The following ZFPL1 variants were observed in gnomAD, a reference collection of about 807,000 sequenced individuals.
ZFPL1 encodes the protein zinc finger protein-like 1.
Under a neutral mutation model 32.0 loss-of-function variants are expected in ZFPL1, and 28 were observed. That is an observed-to-expected ratio of 0.87 (90% CI 0.65 to 1.20). The LOEUF (loss-of-function observed/expected upper bound fraction) is 1.20, where lower values mean the gene tolerates loss of function less well. ZFPL1 is among the 50% of genes most tolerant of loss of function. ZFPL1 has a pLI of 0.00. For missense variants in ZFPL1, 386 were observed against 424.8 expected, an observed-to-expected ratio of 0.91 and a Z score of 0.80; for synonymous variants, 165 against 177.0, an observed-to-expected ratio of 0.93 and a Z score of 0.54.
In ZFPL1 at chr11:65,086,914, C is replaced by A; in HGVS notation, c.482-14C>A. On this transcript the variant is annotated splice_polypyrimidine_tract_variant and intron_variant, in intron 5 of 7. Coordinates refer to ENST00000294258, the MANE Select transcript of ZFPL1 (RefSeq NM_006782.4). ...ATGCACTGCTTCTGCTGACGGCTCT[C>A]TTTCCACCCACAGCCAGCAGTACCC... The A allele has an allele frequency of 1.2e-6, 2 of 1,613,424 alleles. No individual in the cohort carries two copies. Among genetic ancestry groups the A allele is most frequent in the Non-Finnish European group, 1.7e-6 (2 of 1,179,546 alleles).
chr11:65,085,325 C>T (rs757801158), intron 3 of ZFPL1, 99 bp downstream of exon 3: 14 of 1,045,022 alleles, frequency 1.3e-5, no homozygotes, highest in East Asian at 2.4e-5. Context: ...GTGAGTCCCC[C>T]GAGTCTCAGA....
intron 3 of ZFPL1, chr11:65,085,519 G>A: frequency 2.1e-6 from 1 of 465,462 alleles, no homozygotes; most frequent in South Asian, 2.2e-5. Context: ...GTATGCTGGT[G>A]GCCGTGACTA....
At chr11:65,084,436 C>T (rs917894244) in intron 1 of ZFPL1, 58 bp downstream of exon 1, 7 of 378,522 alleles carry the variant, frequency 1.8e-5, no homozygotes. Flanking sequence ...GTCTTGGGGG[C>T]GGGGCCGGTA....
chr11:65,084,453 G>C (rs1947649886), intron 1 of ZFPL1, 75 bp downstream of exon 1: 3 of 578,208 alleles, frequency 5.2e-6, no homozygotes, highest in Non-Finnish European at 9.2e-6. Flanking sequence ...GGTAGTATCG[G>C]GGAGCCTCTG....
chr11:65,087,940 G>T lies in ZFPL1; in HGVS notation c.759G>T (p.Gly253=), dbSNP rs1404382073. ...WLARLLRSRA[G]SRKRPLTLLQ... ...CTCATCCCCCCAGGAGCCGGGCTGG[G>T]TCTCGGAAGCGGCCGCTGACCCTGC... The change falls in exon 8 of 8, where the codon GGG becomes GGT. Residue 253 remains glycine (G), a synonymous_variant. Coordinates refer to ENST00000294258, the MANE Select transcript of ZFPL1 (RefSeq NM_006782.4). The T allele has an allele frequency of 6.4e-7, 1 of 1,565,002 alleles. No homozygotes were observed. Among genetic ancestry groups the T allele is most frequent in the Non-Finnish European group, 8.6e-7 (1 of 1,167,746 alleles).
Position 65,084,674 on chromosome 11 carries a change from T to G in ZFPL1, c.-8-17T>G. ...CACCAGAACCTGACTTCCTACCAAC[T>G]CATGCCCCTTTCCCAGGATCGATCA... On this transcript the variant is annotated splice_polypyrimidine_tract_variant and intron_variant, in intron 1 of 7. Coordinates refer to ENST00000294258, the MANE Select transcript of ZFPL1 (RefSeq NM_006782.4). 1 of 1,612,240 alleles carries G rather than the reference T, an allele frequency of 6.2e-7. No homozygotes were observed. The highest frequency in any genetic ancestry group is 8.5e-7 in the Non-Finnish European group (1 of 1,178,494).
intron 3 of ZFPL1, chr11:65,085,506 C>T: frequency 8.2e-6 from 4 of 487,510 alleles, no homozygotes; most frequent in Non-Finnish European, 1.5e-5. Flanking sequence ...GTCAAGCTTA[C>T]GGGTATGCTG....
intron 7 of ZFPL1, 173 bp downstream of exon 7, chr11:65,087,606 C>T: frequency 1.5e-6 from 1 of 675,558 alleles, no homozygotes; most frequent in Non-Finnish European, 2.5e-6. Context: ...CTGTGTTTTG[C>T]TTCTCTCTGG....
chr11:65,086,254 C>A, intron 3 of ZFPL1, 161 bp from the exon 4 acceptor site: 1 of 990,806 alleles, frequency 1.0e-6, no homozygotes, highest in Non-Finnish European at 1.5e-6. Flanking sequence ...TGGTGGTAGC[C>A]AAGAAGACTG....
intron 7 of ZFPL1, 41 bp downstream of exon 7, chr11:65,087,474 G>A: frequency 6.3e-7 from 1 of 1,589,052 alleles, no homozygotes; most frequent in Non-Finnish European, 8.6e-7. Context: ...GGAAGGGGTG[G>A]AGAGGGAATG....
In ZFPL1 at chr11:65,086,408, C is replaced by A. The variant is rs202117433; in HGVS notation, c.215-7C>A. 1.9e-6 allele frequency: 3 copies of A among 1,614,042 alleles called. No individual in the cohort carries two copies. Among genetic ancestry groups the A allele is most frequent in the Non-Finnish European group, 2.5e-6 (3 of 1,180,016 alleles). The stretch of plus-strand genomic sequence containing the variant: ...TGTCTCTTCTCCCCTGTCTCATGGG[C>A]CCTAAGATCTCTTTCACTGGGCCTG... On this transcript the variant is annotated splice_region_variant and splice_polypyrimidine_tract_variant and intron_variant, in intron 3 of 7. Transcript: ENST00000294258.
chr11:65,084,235 C>G lies in ZFPL1; in HGVS notation c.-152C>G. On this transcript the variant is annotated 5_prime_UTR_variant, in exon 1 of 8. Transcript: ENST00000294258. Reference sequence around the variant, plus strand: ...GCCGCACCCGGAAGAGACGTGGCAGCGGAGGGATAATCGGGGCGGCCGGGG... The same window carrying G: ...GCCGCACCCGGAAGAGACGTGGCAGGGGAGGGATAATCGGGGCGGCCGGGG... 1 of 580,050 alleles carries G rather than the reference C, an allele frequency of 1.7e-6. No individual in the cohort carries two copies. Among genetic ancestry groups the G allele is most frequent in the Non-Finnish European group, 3.0e-6 (1 of 328,180 alleles). The allele number at this position is 580,050 out of a possible 1,614,324, so 35.9% of individuals were successfully genotyped here.
intron 3 of ZFPL1, chr11:65,086,001 T>TTAAAA: frequency 4.9e-5 from 10 of 205,748 alleles, no homozygotes; most frequent in South Asian, 2.1e-4. Context: ...TTGTGTTTGA[T>TTAAAA]TATGTGCTTA....
At chr11:65,085,595 C>A (rs1772624009) in intron 3 of ZFPL1, 1 of 298,966 alleles carries the variant, frequency 3.3e-6, no homozygotes, top group South Asian at 3.5e-5. Flanking sequence ...CAAGGCTAAA[C>A]AGAGAGGAAG....
Position 65,084,651 on chromosome 11 carries a change from C to T in ZFPL1, c.-8-40C>T, listed in dbSNP as rs780878938. The T allele has an allele frequency of 2.5e-5, 40 of 1,588,102 alleles. No individual in the cohort carries two copies. In the Admixed American group the frequency reaches 6.7e-4, roughly 27 times the overall value. On this transcript the variant is annotated intron_variant, in intron 1 of 7. Coordinates refer to ENST00000294258, the MANE Select transcript of ZFPL1 (RefSeq NM_006782.4). Reference sequence around the variant, plus strand: ...GCTGGTGAGAGCGTAGTGGTGGCCACCAGAACCTGACTTCCTACCAACTCA... The same window carrying T: ...GCTGGTGAGAGCGTAGTGGTGGCCATCAGAACCTGACTTCCTACCAACTCA...
At position 65,087,722 on chromosome 11, in the gene ZFPL1, C is replaced by T. The variant is rs1590805497; in HGVS notation, c.747-206C>T. The stretch of plus-strand genomic sequence containing the variant: ...TTGTAATTCTCCCCGACGTCTGACA[C>T]ACTGTGGTTTCCAGAATACAGTCGT... On this transcript the variant is annotated intron_variant, in intron 7 of 7. Coordinates refer to ENST00000294258, the MANE Select transcript of ZFPL1 (RefSeq NM_006782.4). 4.1e-5 allele frequency: 26 copies of T among 633,370 alleles called. No homozygotes were observed. In the East Asian group the frequency reaches 7.1e-4, roughly 17 times the overall value. 39.2% of individuals were successfully genotyped at this position (633,370 alleles called of 1,614,324 possible).
Position 65,086,701 on chromosome 11 carries a change from C to T in ZFPL1, c.409-19C>T. The T allele has an allele frequency of 6.2e-7, 1 of 1,614,236 alleles. No homozygotes were observed. The highest frequency in any genetic ancestry group is 8.5e-7 in the Non-Finnish European group (1 of 1,180,036). On this transcript the variant is annotated intron_variant, in intron 4 of 7. Coordinates refer to ENST00000294258, the MANE Select transcript of ZFPL1 (RefSeq NM_006782.4). ...GGGACAATACTAGGCAGCCTGGTGACCCAGATTCCTTCCTCCAGATCGATG... is the reference window on the plus strand; with the variant it reads ...GGGACAATACTAGGCAGCCTGGTGATCCAGATTCCTTCCTCCAGATCGATG...
intron 1 of ZFPL1, 31 bp from the exon 2 acceptor site, chr11:65,084,660 G>C: frequency 6.2e-7 from 1 of 1,604,864 alleles, no homozygotes; most frequent in Non-Finnish European, 8.5e-7. Context: ...ACCAGAACCT[G>C]ACTTCCTACC....
Position 65,088,326 on chromosome 11 carries a change from C to A in ZFPL1, c.*212C>A. On this transcript the variant is annotated 3_prime_UTR_variant, in exon 8 of 8. Transcript: ENST00000294258. ...CATTTGTCTTGACTTGCTTTCCTCC[C>A]GGGTCTCCAGCCTCCGACCCCTCGC... is the stretch of plus-strand genomic sequence containing the variant. 1 of 1,159,262 alleles carries A rather than the reference C, an allele frequency of 8.6e-7. No individual in the cohort carries two copies. Among genetic ancestry groups the A allele is most frequent in the Non-Finnish European group, 1.2e-6 (1 of 808,604 alleles). 71.8% of individuals were successfully genotyped at this position (1,159,262 alleles called of 1,614,324 possible). A position where few individuals can be genotyped will look rare whatever the true frequency, so the allele number is the denominator to read the frequency against.
Sources: allele counts gnomAD v4.1 joint callset, GRCh38; gene constraint gnomAD v4.1.1; transcripts MANE v1.5; gene names NCBI Gene and HGNC (gene_info 2026-07-23, HGNC 2026-07-21).